The following PRKACB variants were observed in gnomAD, a reference collection of about 807,000 sequenced individuals.
The protein encoded by PRKACB is cAMP-dependent protein kinase catalytic subunit beta.
In PRKACB, 16 loss-of-function variants were observed where a neutral mutation model predicts 51.4. The observed-to-expected ratio is 0.31, with a 90% CI of 0.21 to 0.47. The LOEUF is 0.47. Ranked by LOEUF, PRKACB falls within the 20% of genes least tolerant of loss-of-function variation. The pLI is 1.00. For synonymous variants in PRKACB, 147 were observed against 154.4 expected (o/e 0.95, Z 0.35); for missense variants, 309 against 464.5 (o/e 0.67, Z 3.08).
intron 9 of PRKACB, among the ~76,000 whole-genome samples, chr1:84,233,217 T>C (rs1485978195): frequency 6.6e-6 from 1 of 151,898 alleles, no homozygotes; most frequent in Non-Finnish European, 1.5e-5. Flanking sequence ...AAAATTCTCT[T>C]CTTTAAGAAT....
rs962148067 is a variant in PRKACB at position 84,197,710 on chromosome 1, T to C, written c.688-19T>C. On this transcript the variant is annotated intron_variant, in intron 6 of 9. Transcript: ENST00000370685. Reference sequence around the variant, plus strand: ...GTGAGGTAATACATTTTCACTAGTATTCTTTTTTTCTTTTATAGGTCACAG... The same window carrying C: ...GTGAGGTAATACATTTTCACTAGTACTCTTTTTTTCTTTTATAGGTCACAG... The C allele has an allele frequency of 1.3e-6, 2 of 1,530,856 alleles. No individual in the cohort carries two copies. Among genetic ancestry groups the C allele is most frequent in the South Asian group, 1.2e-5 (1 of 86,660 alleles). The allele number at this position is 1,530,856 out of a possible 1,614,324, so 94.8% of individuals were successfully genotyped here. A position where few individuals can be genotyped will look rare whatever the true frequency, so the allele number is the denominator to read the frequency against.
At chr1:84,126,998 GA>G (rs1651674585) in intron 1 of PRKACB, among the ~76,000 whole-genome samples, 1 of 152,082 alleles carries the variant, frequency 6.6e-6, no homozygotes. Flanking sequence ...GAAGATTCCT[GA>G]ATCCATTCTC....
intron 8 of PRKACB, among the ~76,000 whole-genome samples, chr1:84,207,023 A>G (rs530125861): frequency 6.6e-6 from 1 of 152,320 alleles, no homozygotes; most frequent in African/African-American, 2.4e-5. Flanking sequence ...CTATTTTGCT[A>G]TGGCCATAGT....
In PRKACB at chr1:84,235,429, G is replaced by T. The variant is rs996272512; in HGVS notation, c.*124G>T. ...TCCTTCATTCCAACGACTGAGTGAG[G>T]TCTTTATTGCCATCATCCCGTGTGC... On this transcript the variant is annotated 3_prime_UTR_variant, in exon 10 of 10. Coordinates refer to ENST00000370685, the MANE Select transcript of PRKACB (RefSeq NM_182948.4). 7.7e-7 allele frequency: 1 copy of T among 1,300,354 alleles called. No individual in the cohort carries two copies. The highest frequency in any genetic ancestry group is 1.1e-6 in the Non-Finnish European group (1 of 932,092). 80.6% of individuals were successfully genotyped at this position (1,300,354 alleles called of 1,614,324 possible).
chr1:84,150,366 T>A (rs1654697639), intron 1 of PRKACB, among the ~76,000 whole-genome samples: 1 of 152,182 alleles, frequency 6.6e-6, no homozygotes, highest in Non-Finnish European at 1.5e-5. Flanking sequence ...TTTTTAAAAA[T>A]TAAAAATATA....
At chr1:84,194,936 AT>A (rs1667801517) in intron 5 of PRKACB, among the ~76,000 whole-genome samples, 1 of 152,186 alleles carries the variant, frequency 6.6e-6, no homozygotes, top group African/African-American at 2.4e-5. Flanking sequence ...AAAGAATTTT[AT>A]TATAGATCTA....
chr1:84,196,761 A>G lies in PRKACB; in HGVS notation c.687+19A>G. 1 of 1,607,698 alleles carries G rather than the reference A, an allele frequency of 6.2e-7. No homozygotes were observed. The highest frequency in any genetic ancestry group is 8.5e-7 in the Non-Finnish European group (1 of 1,175,314). On this transcript the variant is annotated intron_variant, in intron 6 of 9. Transcript: ENST00000370685. Reference sequence around the variant, plus strand: ...TATCCAGGTATGACTTTAACACATTATGTGTACTGTATATGAGAAAATACT... The same window carrying G: ...TATCCAGGTATGACTTTAACACATTGTGTGTACTGTATATGAGAAAATACT...
At chr1:84,105,850 T>G (rs891510051) in intron 1 of PRKACB, among the ~76,000 whole-genome samples, 1 of 152,074 alleles carries the variant, frequency 6.6e-6, no homozygotes, top group African/African-American at 2.4e-5. Context: ...AGTGCTGGGA[T>G]TATAGGTGTA....
chr1:84,237,670 G>A lies in PRKACB; in HGVS notation c.*2365G>A, dbSNP rs533341480. 57 of 152,220 alleles carry A rather than the reference G, an allele frequency of 3.7e-4. No individual in the cohort carries two copies. The highest frequency in any genetic ancestry group is 1.3e-3 in the African/African-American group (56 of 41,562). 9.4% of individuals were successfully genotyped at this position (152,220 alleles called of 1,614,324 possible). On this transcript the variant is annotated 3_prime_UTR_variant, in exon 10 of 10. Coordinates refer to ENST00000370685, the MANE Select transcript of PRKACB (RefSeq NM_182948.4). Reference sequence around the variant, plus strand: ...CATTCCCAGTTTCAGCCACAATTTAGCCAAGAATAAGATAAAAACTTGAAT... The same window carrying A: ...CATTCCCAGTTTCAGCCACAATTTAACCAAGAATAAGATAAAAACTTGAAT...
intron 1 of PRKACB, among the ~76,000 whole-genome samples, chr1:84,093,843 A>G (rs888056172): frequency 6.6e-6 from 1 of 151,874 alleles, no homozygotes; most frequent in African/African-American, 2.4e-5. Context: ...AATTACATTT[A>G]TTCTTAGTTT....
chr1:84,097,811 G>A (rs968567905), intron 1 of PRKACB, among the ~76,000 whole-genome samples: 3 of 151,988 alleles, frequency 2.0e-5, no homozygotes, highest in Admixed American at 6.6e-5. Context: ...AAAACAAAAC[G>A]TGCGAATTTG....
chr1:84,231,072 T>A (rs1236189736), intron 9 of PRKACB, among the ~76,000 whole-genome samples: 1 of 149,594 alleles, frequency 6.7e-6, no homozygotes. Flanking sequence ...GGGTTTGTCA[T>A]AGATAGCTCT....
rs113417313 is a variant in PRKACB, at chr1:84,095,947, A to G, written c.46+17576A>G. ...ATTTTTATTACCAGTGTGTTTTTCT[A>G]TGGTATGTTTGTTCTCTTATTTTTG... is the stretch of plus-strand genomic sequence containing the variant. On this transcript the variant is annotated intron_variant, in intron 1 of 8. Coordinates refer to the PRKACB transcript ENST00000370688. 3.8e-3 allele frequency among the ~76,000 whole-genome samples: 578 copies of G among 151,916 alleles called. 3 individuals are homozygous for G. Among genetic ancestry groups the G allele is most frequent in the African/African-American group, 0.013 (543 of 41,450 alleles).
Position 84,085,729 on chromosome 1 carries a change from C to T in PRKACB, c.46+7358C>T, listed in dbSNP as rs983352891. 26 of 236,266 alleles carry T rather than the reference C, an allele frequency of 1.1e-4. 1 individual carries two copies. The highest frequency in any genetic ancestry group is 5.0e-4 in the African/African-American group (22 of 44,162). 14.6% of individuals were successfully genotyped at this position (236,266 alleles called of 1,614,324 possible). A position where few individuals can be genotyped will look rare whatever the true frequency, so the allele number is the denominator to read the frequency against. On this transcript the variant is annotated intron_variant, in intron 1 of 8. Coordinates refer to the PRKACB transcript ENST00000370688. ...GCTGGGCTGTGCATCCCTCTGCTTGCGCTGCAGGGAAATGTCTCAGTGACT... is the reference window on the plus strand; with the variant it reads ...GCTGGGCTGTGCATCCCTCTGCTTGTGCTGCAGGGAAATGTCTCAGTGACT...
intron 1 of PRKACB, among the ~76,000 whole-genome samples, chr1:84,167,804 A>G (rs1419268606): frequency 2.6e-5 from 4 of 151,670 alleles, no homozygotes; most frequent in Non-Finnish European, 5.9e-5. Flanking sequence ...GAAAAATACA[A>G]TAACCATAGT....
intron 8 of PRKACB, 74 bp from the exon 9 acceptor site, chr1:84,214,079 A>G (rs1672523759): frequency 7.0e-7 from 1 of 1,419,556 alleles, no homozygotes. Flanking sequence ...CTTGAAAAAA[A>G]AACTTTATGA....
chr1:84,212,147 T>C (rs1672228019), intron 8 of PRKACB, among the ~76,000 whole-genome samples: 1 of 152,216 alleles, frequency 6.6e-6, no homozygotes, highest in Non-Finnish European at 1.5e-5. Flanking sequence ...ATAAAACCTC[T>C]GCATAAAGTA....
intron 1 of PRKACB, among the ~76,000 whole-genome samples, chr1:84,172,450 G>A (rs1200440585): frequency 2.0e-5 from 3 of 151,582 alleles, no homozygotes; most frequent in African/African-American, 4.8e-5. Flanking sequence ...GAAACATCAC[G>A]AGTCAAACAT....
intron 8 of PRKACB, among the ~76,000 whole-genome samples, chr1:84,206,509 G>T (rs1374943311): frequency 6.6e-6 from 1 of 152,094 alleles, no homozygotes; most frequent in Non-Finnish European, 1.5e-5. Context: ...AAGACACCAG[G>T]CACAAGCTTT....
Sources: allele counts gnomAD v4.1 joint callset (sites outside exome capture counted in the v4.1 genomes callset), GRCh38; gene constraint gnomAD v4.1.1; transcripts MANE v1.5; gene names NCBI Gene and HGNC (gene_info 2026-07-23, HGNC 2026-07-21).